Variants in KSR2 observed in about 807,000 individuals in gnomAD.
The protein encoded by KSR2 is kinase suppressor of ras 2.
A neutral mutation model predicts 107.8 loss-of-function variants in KSR2; 25 were observed. The observed-to-expected ratio is 0.23, with a 90% CI of 0.17 to 0.32. The LOEUF (loss-of-function observed/expected upper bound fraction) is 0.32. Ranked by LOEUF, KSR2 falls within the 10% of genes least tolerant of loss-of-function variation. The pLI is 1.00. For synonymous variants in KSR2, 480 were observed against 507.0 expected (o/e 0.95, Z 0.71); for missense variants, 887 against 1,268.9 (o/e 0.70, Z 4.57).
intron 1 of KSR2, among the ~76,000 whole-genome samples, chr12:117,891,815 T>C (rs1293635556): frequency 6.6e-6 from 1 of 151,336 alleles, no homozygotes; most frequent in Non-Finnish European, 1.5e-5. Flanking sequence ...AGGGAGACCC[T>C]GTCTCTACAA....
intron 4 of KSR2, among the ~76,000 whole-genome samples, chr12:117,744,980 C>T (rs1336311843): frequency 6.6e-6 from 1 of 152,116 alleles, no homozygotes; most frequent in Non-Finnish European, 1.5e-5. Context: ...CTCTGTGTCA[C>T]TTAACTCCCC....
At chr12:117,590,456 A>G (rs2136266335) in intron 5 of KSR2, among the ~76,000 whole-genome samples, 1 of 152,344 alleles carries the variant, frequency 6.6e-6, no homozygotes, top group South Asian at 2.1e-4. Flanking sequence ...CTATAAAAAA[A>G]GTGGTCATTG....
intron 3 of KSR2, among the ~76,000 whole-genome samples, chr12:117,809,674 T>C (rs1427651238): frequency 6.6e-6 from 1 of 152,212 alleles, no homozygotes; most frequent in Non-Finnish European, 1.5e-5. Flanking sequence ...GTTGACTGGT[T>C]TGCTGGCTGT....
chr12:117,778,056 A>T (rs970349923), intron 3 of KSR2, among the ~76,000 whole-genome samples: 4 of 152,112 alleles, frequency 2.6e-5, no homozygotes, highest in Admixed American at 2.0e-4. Flanking sequence ...AATAAATATA[A>T]TTTTTTGTCT....
At chr12:117,509,133 C>T (rs907529871) in intron 14 of KSR2, among the ~76,000 whole-genome samples, 3 of 152,104 alleles carry the variant, frequency 2.0e-5, no homozygotes, top group Non-Finnish European at 4.4e-5. Flanking sequence ...CAAGGAGGTA[C>T]ATGGTCCAGC....
At chr12:117,865,679 T>A (rs757720492) in intron 1 of KSR2, among the ~76,000 whole-genome samples, 19 of 151,910 alleles carry the variant, frequency 1.3e-4, no homozygotes, top group Non-Finnish European at 2.6e-4. Context: ...ACAAAAGAGG[T>A]AATATCAACT....
intron 5 of KSR2, among the ~76,000 whole-genome samples, chr12:117,610,902 T>C (rs1054510435): frequency 6.6e-6 from 1 of 152,178 alleles, no homozygotes; most frequent in Non-Finnish European, 1.5e-5. Flanking sequence ...TTTCAATATA[T>C]TATTAAGAAC....
At chr12:117,932,168 T>A (rs1030701864) in intron 1 of KSR2, among the ~76,000 whole-genome samples, 1 of 152,000 alleles carries the variant, frequency 6.6e-6, no homozygotes, top group Non-Finnish European at 1.5e-5. Context: ...GCGCCTGTAA[T>A]CTCGGCTATT....
intron 5 of KSR2, among the ~76,000 whole-genome samples, chr12:117,588,887 A>C (rs887084283): frequency 6.6e-6 from 1 of 152,226 alleles, no homozygotes; most frequent in African/African-American, 2.4e-5. Flanking sequence ...GGGATAATGC[A>C]CACAGAGTAT....
At chr12:117,930,147 C>T (rs1225431813) in intron 1 of KSR2, among the ~76,000 whole-genome samples, 1 of 152,084 alleles carries the variant, frequency 6.6e-6, no homozygotes, top group Non-Finnish European at 1.5e-5. Context: ...GATTCTTGTG[C>T]CTCAGCCTCC....
intron 14 of KSR2, among the ~76,000 whole-genome samples, chr12:117,514,134 C>A (rs1357128651): frequency 6.6e-6 from 1 of 152,252 alleles, no homozygotes; most frequent in Non-Finnish European, 1.5e-5. Flanking sequence ...CATGCAAATG[C>A]AGCTGGCTAT....
intron 5 of KSR2, among the ~76,000 whole-genome samples, chr12:117,588,599 T>G (rs1011967503): frequency 3.9e-5 from 6 of 152,202 alleles, no homozygotes; most frequent in Non-Finnish European, 8.8e-5. Flanking sequence ...GTTTTTCCGA[T>G]TAATGAGAAA....
At chr12:117,941,247 C>T (rs1412965887) in intron 1 of KSR2, among the ~76,000 whole-genome samples, 1 of 152,004 alleles carries the variant, frequency 6.6e-6, no homozygotes, top group Admixed American at 6.6e-5. Context: ...CACCCCCAAA[C>T]ATTCCACTTC....
intron 1 of KSR2, among the ~76,000 whole-genome samples, chr12:117,928,151 T>C (rs1281805231): frequency 6.6e-6 from 1 of 151,734 alleles, no homozygotes; most frequent in African/African-American, 2.4e-5. Context: ...CCATGTTGTG[T>C]AGCATGTGTC....
At chr12:117,531,598 C>T (rs1875636971) in intron 11 of KSR2, 68 bp downstream of exon 11, 2 of 1,402,834 alleles carry the variant, frequency 1.4e-6, no homozygotes, top group Admixed American at 1.8e-5. Context: ...CTCCATTCAT[C>T]CCAGAAACTC....
At chr12:117,621,669 C>T (rs1033878489) in intron 5 of KSR2, among the ~76,000 whole-genome samples, 1 of 152,092 alleles carries the variant, frequency 6.6e-6, no homozygotes, top group African/African-American at 2.4e-5. Flanking sequence ...TATACCAATG[C>T]CATTTTCTTG....
At chr12:117,742,384 G>A (rs780620190) in intron 4 of KSR2, among the ~76,000 whole-genome samples, 10 of 152,184 alleles carry the variant, frequency 6.6e-5, no homozygotes, top group Non-Finnish European at 1.2e-4. Context: ...GAATTGTACT[G>A]TGATTCTTTA....
At chr12:117,530,120 T>C (rs561842845) in intron 12 of KSR2, among the ~76,000 whole-genome samples, 14 of 152,288 alleles carry the variant, frequency 9.2e-5, no homozygotes, top group Non-Finnish European at 1.5e-5. Flanking sequence ...CAAAGCAGGA[T>C]GGTAGCTGCT....
chr12:117,911,202 A>AC (rs1405406661), intron 1 of KSR2, among the ~76,000 whole-genome samples: 33 of 146,308 alleles, frequency 2.3e-4, no homozygotes, highest in African/African-American at 8.0e-4. Flanking sequence ...ACACACACTC[A>AC]AGAAACAAGA....
Sources: allele counts gnomAD v4.1 joint callset (sites outside exome capture counted in the v4.1 genomes callset), GRCh38; gene constraint gnomAD v4.1.1; transcripts MANE v1.5; gene names NCBI Gene and HGNC (gene_info 2026-07-23, HGNC 2026-07-21).